GAS7: variants seen among roughly 807,000 people sequenced by gnomAD.
The protein encoded by GAS7 is growth arrest specific 7, also known as growth arrest-specific protein 7.
A neutral mutation model predicts 71.1 loss-of-function variants in GAS7; 28 were observed. The observed-to-expected ratio is 0.39, with a 90% confidence interval of 0.29 to 0.54. The LOEUF is 0.54. Ranked by LOEUF, GAS7 falls within the 20% of genes least tolerant of loss-of-function variation. GAS7 has a pLI of 0.62. For missense variants in GAS7, 436 were observed against 627.8 expected (o/e 0.69, Z 3.27); for synonymous variants, 258 against 245.8 (o/e 1.05, Z -0.46).
chr17:10,073,432 GCA>G (rs2073361089), intron 1 of GAS7, among the ~76,000 whole-genome samples: 2 of 152,154 alleles, frequency 1.3e-5, no homozygotes, highest in South Asian at 4.1e-4. Context: ...TATTCTCCAA[GCA>G]CAGGATCATT....
At chr17:10,171,571 A>G (rs561108996) in intron 1 of GAS7, among the ~76,000 whole-genome samples, 113 of 152,304 alleles carry the variant, frequency 7.4e-4, no homozygotes, top group African/African-American at 2.7e-3. Flanking sequence ...CGCTAGGGGG[A>G]AGAAATCTCG....
At chr17:10,011,706 G>A (rs1269541397) in intron 2 of GAS7, among the ~76,000 whole-genome samples, 1 of 152,194 alleles carries the variant, frequency 6.6e-6, no homozygotes, top group South Asian at 2.1e-4. Context: ...GCCGGGTGCG[G>A]TGGCTCATGC....
At chr17:10,115,327 G>A (rs964959193) in intron 1 of GAS7, among the ~76,000 whole-genome samples, 6 of 152,108 alleles carry the variant, frequency 3.9e-5, no homozygotes, top group South Asian at 4.1e-4. Context: ...GTGCACAGGC[G>A]GGGGGAACGC....
intron 5 of GAS7, among the ~76,000 whole-genome samples, chr17:9,955,888 ACCC>A (rs1396564967): frequency 6.6e-6 from 1 of 151,770 alleles, no homozygotes. Flanking sequence ...ATGGAGTGAC[ACCC>A]CCATCGCTCC....
chr17:10,145,120 C>G (rs2142101131), intron 1 of GAS7, among the ~76,000 whole-genome samples: 1 of 152,360 alleles, frequency 6.6e-6, no homozygotes, highest in Admixed American at 6.5e-5. Flanking sequence ...AAATCCACAG[C>G]CCCACACTGG....
At chr17:10,144,580 C>T (rs959288809) in intron 1 of GAS7, among the ~76,000 whole-genome samples, 12 of 152,120 alleles carry the variant, frequency 7.9e-5, no homozygotes, top group Admixed American at 7.2e-4. Flanking sequence ...GACATGCTCT[C>T]TCGTCCAGGC....
At chr17:10,057,168 C>T (rs1206981669) in intron 1 of GAS7, among the ~76,000 whole-genome samples, 1 of 152,226 alleles carries the variant, frequency 6.6e-6, no homozygotes, top group African/African-American at 2.4e-5. Flanking sequence ...CAGCCGCCTG[C>T]CTTGGCCTCC....
chr17:9,983,865 AG>A (rs2070534990), intron 2 of GAS7, among the ~76,000 whole-genome samples: 1 of 152,198 alleles, frequency 6.6e-6, no homozygotes, highest in Non-Finnish European at 1.5e-5. Context: ...ATAGCAAAGT[AG>A]TTAGGCTCTG....
intron 5 of GAS7, among the ~76,000 whole-genome samples, chr17:9,951,341 G>A (rs2068996104): frequency 6.6e-6 from 1 of 152,224 alleles, no homozygotes; most frequent in African/African-American, 2.4e-5. Context: ...GTACTCAGAG[G>A]CGGGTCTGAA....
chr17:9,957,427 G>A (rs1011973773), intron 5 of GAS7, among the ~76,000 whole-genome samples: 1 of 152,222 alleles, frequency 6.6e-6, no homozygotes, highest in African/African-American at 2.4e-5. Context: ...AGCCCTGGCT[G>A]TAAGATGGAC....
intron 1 of GAS7, among the ~76,000 whole-genome samples, chr17:10,042,282 G>A (rs1224202616): frequency 7.4e-5 from 10 of 134,332 alleles, no homozygotes; most frequent in African/African-American, 1.7e-4. Context: ...GTGACAGAGC[G>A]AGACTCCGTC....
At chr17:10,100,904 C>T (rs1441288672) in intron 1 of GAS7, among the ~76,000 whole-genome samples, 2 of 152,166 alleles carry the variant, frequency 1.3e-5, no homozygotes, top group Non-Finnish European at 2.9e-5. Context: ...TTTCTGATGA[C>T]ACTGCCTTTG....
chr17:10,053,068 T>C (rs1291961183), intron 1 of GAS7, among the ~76,000 whole-genome samples: 1 of 152,164 alleles, frequency 6.6e-6, no homozygotes, highest in Non-Finnish European at 1.5e-5. Context: ...GGTTTCTTAC[T>C]TTCCTGTGGT....
At chr17:9,982,775 CA>C (rs1260576923) in intron 2 of GAS7, among the ~76,000 whole-genome samples, 2 of 85,208 alleles carry the variant, frequency 2.3e-5, no homozygotes, top group East Asian at 2.9e-4. Context: ...GACTCTGCCT[CA>C]AAAAAAAAGA....
intron 1 of GAS7, among the ~76,000 whole-genome samples, chr17:10,164,698 GAAAAGA>G (rs2074280127): frequency 6.6e-6 from 1 of 150,944 alleles, no homozygotes; most frequent in Non-Finnish European, 1.5e-5. Flanking sequence ...AAAAAAAAAA[GAAAAGA>G]AAAAGAAGCC....
intron 4 of GAS7, among the ~76,000 whole-genome samples, chr17:9,966,021 T>C (rs187951438): frequency 0.049 from 6,817 of 138,722 alleles, 593 homozygotes; most frequent in African/African-American, 0.17. Flanking sequence ...TTTTTGGAGA[T>C]GGAGTCTCGC....
Position 10,018,574 on chromosome 17 carries a change from T to G in GAS7, c.304+1203A>C, listed in dbSNP as rs138183843. Among the ~76,000 whole-genome samples, 16 of 152,292 alleles carry G rather than the reference T, an allele frequency of 1.1e-4. 1 individual carries two copies. Among genetic ancestry groups the G allele is most frequent in the African/African-American group, 3.6e-4 (15 of 41,556 alleles). ...AGTGTAAGATTAGAACGGTCAGAAA[T>G]AGTCCTACTTCCCTTTTCCTAGAAA... On this transcript the variant is annotated intron_variant, in intron 2 of 13. Coordinates refer to ENST00000432992, the MANE Select transcript of GAS7 (RefSeq NM_201433.2).
chr17:10,174,327 A>G (rs2074355789), intron 1 of GAS7, among the ~76,000 whole-genome samples: 1 of 152,236 alleles, frequency 6.6e-6, no homozygotes, highest in African/African-American at 2.4e-5. Context: ...TGCAGTCTGT[A>G]GAACAAACAG....
At chr17:10,108,858 A>C (rs1456500875) in intron 1 of GAS7, among the ~76,000 whole-genome samples, 1 of 152,192 alleles carries the variant, frequency 6.6e-6, no homozygotes, top group Non-Finnish European at 1.5e-5. Flanking sequence ...ACTTAAACTA[A>C]GGCTCGAAAC....
Sources: allele counts gnomAD v4.1 joint callset (sites outside exome capture counted in the v4.1 genomes callset), GRCh38; gene constraint gnomAD v4.1.1; transcripts MANE v1.5; gene names NCBI Gene and HGNC (gene_info 2026-07-23, HGNC 2026-07-21).